Variants in MAPK6 observed in about 807,000 individuals in gnomAD.
The protein encoded by MAPK6 is mitogen-activated protein kinase 6, also known as ERK-3.
MAPK6 carries 19 observed loss-of-function variants against 59.3 expected under a neutral mutation model. That is an observed-to-expected ratio of 0.32 (90% confidence interval 0.22 to 0.47). The LOEUF (loss-of-function observed/expected upper bound fraction) is 0.47, where lower values mean the gene tolerates loss of function less well. Among genes scored for constraint, MAPK6 ranks in the 20% least tolerant of loss-of-function variants. The pLI, the probability that MAPK6 is intolerant of heterozygous loss-of-function variation, is 1.00. For missense variants in MAPK6, 724 were observed against 847.9 expected (o/e 0.85, Z 1.81); for synonymous variants, 316 against 290.3 (o/e 1.09, Z -0.90).
Position 52,061,457 on chromosome 15 carries a change from T to G in MAPK6, c.1024T>G (p.Leu342Val), listed in dbSNP as rs1346210918. Reference sequence around the variant, plus strand: ...TATTGAAGATGAAGTTGATGATATTTTGCTTATGGATGAAACTCACAGTCA... The same window carrying G: ...TATTGAAGATGAAGTTGATGATATTGTGCTTATGGATGAAACTCACAGTCA... ...FHIEDEVDDI[L>V]LMDETHSHIY... The change falls in exon 5 of 6, where the codon TTG becomes GTG. Residue 342 changes from leucine to valine, a missense_variant. Transcript: ENST00000261845. The G allele has an allele frequency of 6.2e-7, 1 of 1,613,852 alleles. No homozygotes were observed. Among genetic ancestry groups the G allele is most frequent in the African/African-American group, 1.3e-5 (1 of 75,044 alleles).
At chr15:52,034,176 A>G (rs1370104485) in intron 1 of MAPK6, among the ~76,000 whole-genome samples, 1 of 151,146 alleles carries the variant, frequency 6.6e-6, no homozygotes, top group Non-Finnish European at 1.5e-5. Context: ...GTAGAGACAG[A>G]GTTTCACCAT....
chr15:52,056,073 A>G (rs1358514131), intron 3 of MAPK6, among the ~76,000 whole-genome samples: 2 of 152,240 alleles, frequency 1.3e-5, no homozygotes, highest in African/African-American at 4.8e-5. Flanking sequence ...TTAATTAGGT[A>G]TAAGTTGCAA....
intron 2 of MAPK6, among the ~76,000 whole-genome samples, chr15:51,983,500 G>A (rs983860970): frequency 7.0e-6 from 1 of 142,832 alleles, no homozygotes; most frequent in Non-Finnish European, 1.5e-5. Flanking sequence ...AACAAAAAAC[G>A]ACAACAACAA....
At chr15:52,059,580 A>G (rs976654581) in intron 4 of MAPK6, among the ~76,000 whole-genome samples, 3 of 152,372 alleles carry the variant, frequency 2.0e-5, no homozygotes, top group African/African-American at 7.2e-5. Context: ...ACTTCAGAGT[A>G]GTTGTCACTA....
chr15:52,044,264 G>A (rs1271589452), intron 1 of MAPK6, among the ~76,000 whole-genome samples: 2 of 151,904 alleles, frequency 1.3e-5, no homozygotes, highest in African/African-American at 4.8e-5. Flanking sequence ...GTAAAATAAA[G>A]CTATTATACT....
At chr15:52,023,888 G>A (rs766635406) in intron 1 of MAPK6, among the ~76,000 whole-genome samples, 21 of 152,006 alleles carry the variant, frequency 1.4e-4, no homozygotes, top group African/African-American at 4.3e-4. Context: ...CTGGGATTAC[G>A]GGCATGAGCC....
intron 1 of MAPK6, among the ~76,000 whole-genome samples, chr15:52,022,649 C>A (rs1314834746): frequency 1.3e-5 from 2 of 150,728 alleles, no homozygotes; most frequent in African/African-American, 4.9e-5. Flanking sequence ...TTTTTTTTTA[C>A]AAAGTTTAAT....
rs980757352 is a variant in MAPK6 at position 52,027,339 on chromosome 15, G to A, written c.-632+7963G>A. Among the ~76,000 whole-genome samples, 53 of 18,846 alleles carry A rather than the reference G, an allele frequency of 2.8e-3. 1 individual carries two copies. The highest frequency in any genetic ancestry group is 0.05 in the Middle Eastern group (1 of 20). The allele number at this position is 18,846 out of a possible 152,430, so 12.4% of individuals were successfully genotyped here. On this transcript the variant is annotated intron_variant, in intron 1 of 5. Coordinates refer to ENST00000261845, the MANE Select transcript of MAPK6 (RefSeq NM_002748.4). ...TACTCCAGGCTGGGTGACAGAGCGA[G>A]ACTCCCTCTCAAAAAAAAAAAAAAA...
chr15:52,061,607 A>T, intron 5 of MAPK6, 107 bp downstream of exon 5: 1 of 868,546 alleles, frequency 1.2e-6, no homozygotes, highest in East Asian at 2.7e-5. Context: ...AGTCTTAAAA[A>T]TTTAGTAATG....
At chr15:52,052,449 A>C (rs2031814095) in intron 3 of MAPK6, among the ~76,000 whole-genome samples, 1 of 152,248 alleles carries the variant, frequency 6.6e-6, no homozygotes, top group Admixed American at 6.5e-5. Flanking sequence ...TTTAAATAAT[A>C]TAGTTCCATA....
At chr15:52,018,920 G>A (rs556262932), upstream of MAPK6, 1 of 152,504 alleles carries the variant, frequency 6.6e-6, no homozygotes, top group Non-Finnish European at 1.5e-5. Context: ...TGCCTTGCAC[G>A]TAGTAGGTGC....
At position 52,064,028 on chromosome 15, in the gene MAPK6, C is replaced by A. The variant is rs754563502; in HGVS notation, c.1194C>A (p.Pro398=). The A allele has an allele frequency of 1.2e-6, 2 of 1,613,700 alleles. No individual in the cohort carries two copies. The highest frequency in any genetic ancestry group is 1.7e-5 in the Admixed American group (1 of 59,984). The change falls in exon 6 of 6, where the codon CCC becomes CCA. Residue 398 remains proline, a synonymous_variant. Coordinates refer to ENST00000261845, the MANE Select transcript of MAPK6 (RefSeq NM_002748.4). ...VTDEEEVQVD[P]RKYLDGDREK... is the part of the protein sequence containing the mutation. ...ATGAAGAAGAAGTACAAGTTGATCC[C>A]CGAAAATATTTGGATGGAGATCGGG...
At chr15:51,981,330 G>A (rs1399583870) in intron 1 of MAPK6, among the ~76,000 whole-genome samples, 4 of 151,826 alleles carry the variant, frequency 2.6e-5, no homozygotes, top group Non-Finnish European at 4.4e-5. Flanking sequence ...AAAATTAGCC[G>A]CGTGTGGTGG....
At chr15:52,009,105 C>T (rs1319520584) in intron 3 of MAPK6, among the ~76,000 whole-genome samples, 1 of 152,200 alleles carries the variant, frequency 6.6e-6, no homozygotes, top group Non-Finnish European at 1.5e-5. Flanking sequence ...CCTTCTTCCT[C>T]AAAGGACAGG....
intron 2 of MAPK6, among the ~76,000 whole-genome samples, chr15:51,984,447 ATTTTTTTTTTT>A (rs71130112): frequency 2.9e-4 from 20 of 69,976 alleles, no homozygotes; most frequent in Admixed American, 1.0e-3. Flanking sequence ...ACGCCGGCTA[ATTTTTTTTTTT>A]TTTTTTTTTT....
At chr15:52,043,240 A>G (rs1461222210) in intron 1 of MAPK6, among the ~76,000 whole-genome samples, 2 of 152,330 alleles carry the variant, frequency 1.3e-5, no homozygotes, top group East Asian at 1.9e-4. Context: ...ATGCAGTATT[A>G]AAGCCCTTTT....
At chr15:52,023,166 C>T (rs2141852757) in intron 1 of MAPK6, among the ~76,000 whole-genome samples, 1 of 150,918 alleles carries the variant, frequency 6.6e-6, no homozygotes, top group Non-Finnish European at 1.5e-5. Context: ...TCTTAGCCTG[C>T]TTCCTGTCTC....
chr15:52,054,467 C>G (rs534813141), intron 3 of MAPK6, among the ~76,000 whole-genome samples: 14 of 152,262 alleles, frequency 9.2e-5, no homozygotes, highest in South Asian at 2.1e-4. Context: ...TCTTTCCCCA[C>G]TGAATTATCT....
At chr15:51,992,494 C>T (rs140511017) in intron 2 of MAPK6, among the ~76,000 whole-genome samples, 2,682 of 151,468 alleles carry the variant, frequency 0.018, 78 homozygotes, top group African/African-American at 0.061. Context: ...TTAGTAGAGA[C>T]GGGGTTTCAC....
Sources: allele counts gnomAD v4.1 joint callset (sites outside exome capture counted in the v4.1 genomes callset), GRCh38; gene constraint gnomAD v4.1.1; transcripts MANE v1.5; gene names NCBI Gene and HGNC (gene_info 2026-07-23, HGNC 2026-07-21).